GNAQ: variants seen among roughly 807,000 people sequenced by gnomAD.
The protein encoded by GNAQ is guanine nucleotide-binding protein G(q) subunit alpha.
A neutral mutation model predicts 43.9 loss-of-function variants in GNAQ; 8 were observed. The ratio of observed to expected loss-of-function variants is 0.18; its 90% CI spans 0.11 to 0.33. The LOEUF (loss-of-function observed/expected upper bound fraction) is 0.33, where lower values mean the gene tolerates loss of function less well. Ranked by LOEUF, GNAQ falls within the 10% of genes least tolerant of loss-of-function variation. GNAQ has a pLI of 1.00. For missense variants in GNAQ, 158 were observed against 450.8 expected, an observed-to-expected ratio of 0.35 and a Z score of 5.88; for synonymous variants, 155 against 170.7, an observed-to-expected ratio of 0.91 and a Z score of 0.71.
chr9:78,003,372 T>C lies in GNAQ; in HGVS notation c.136+27728A>G, dbSNP rs185933312. ...CAGAACCCAGAAGTCCTTGATGGGG[T>C]AATTTTTGCTGTCTTCCATAGTATT... On this transcript the variant is annotated intron_variant, in intron 1 of 6. Coordinates refer to ENST00000286548, the MANE Select transcript of GNAQ (RefSeq NM_002072.5). Among the ~76,000 whole-genome samples, 3 of 152,294 alleles carry C rather than the reference T, an allele frequency of 2.0e-5. No individual in the cohort carries two copies. The East Asian group carries it at 5.8e-4, about 29-fold the overall frequency.
intron 1 of GNAQ, among the ~76,000 whole-genome samples, chr9:78,028,040 G>A (rs1028605590): frequency 5.9e-5 from 9 of 152,156 alleles, no homozygotes; most frequent in African/African-American, 2.2e-4. Flanking sequence ...ACCACCAACA[G>A]AAATATTTAG....
At chr9:77,990,819 A>G (rs1250009490) in intron 1 of GNAQ, among the ~76,000 whole-genome samples, 2 of 152,176 alleles carry the variant, frequency 1.3e-5, no homozygotes, top group African/African-American at 4.8e-5. Context: ...AATAAATAGC[A>G]ATTTCTCCCT....
At chr9:77,866,308 T>C (rs1286015077) in intron 2 of GNAQ, among the ~76,000 whole-genome samples, 1 of 152,068 alleles carries the variant, frequency 6.6e-6, no homozygotes, top group South Asian at 2.1e-4. Flanking sequence ...TGAAGCCCCA[T>C]CTCTATTAAA....
chr9:77,969,666 C>T (rs1823211923), intron 1 of GNAQ, among the ~76,000 whole-genome samples: 1 of 152,198 alleles, frequency 6.6e-6, no homozygotes, highest in Non-Finnish European at 1.5e-5. Context: ...CACTGGAAAA[C>T]AACCCAGCTT....
chr9:77,906,404 G>T (rs1337267890), intron 2 of GNAQ, among the ~76,000 whole-genome samples: 1 of 152,128 alleles, frequency 6.6e-6, no homozygotes, highest in African/African-American at 2.4e-5. Context: ...CAGTAATCTG[G>T]TATGATCTTT....
intron 1 of GNAQ, among the ~76,000 whole-genome samples, chr9:77,983,995 T>G (rs1206781805): frequency 7.6e-6 from 1 of 132,326 alleles, no homozygotes; most frequent in Non-Finnish European, 1.5e-5. Flanking sequence ...TCTCTCTCTC[T>G]CCTCAAAAGT....
intron 2 of GNAQ, among the ~76,000 whole-genome samples, chr9:77,870,862 A>G (rs1459918165): frequency 6.6e-6 from 1 of 152,170 alleles, no homozygotes; most frequent in African/African-American, 2.4e-5. Flanking sequence ...TAAGAAGCCA[A>G]ACGCAAATGA....
chr9:77,953,569 C>T (rs1269010415), intron 1 of GNAQ, among the ~76,000 whole-genome samples: 1 of 152,166 alleles, frequency 6.6e-6, no homozygotes, highest in African/African-American at 2.4e-5. Flanking sequence ...TTAGAAATGG[C>T]TTCAAGGGCC....
At chr9:77,791,228 A>G (rs1188435991) in intron 5 of GNAQ, among the ~76,000 whole-genome samples, 2 of 152,212 alleles carry the variant, frequency 1.3e-5, no homozygotes, top group South Asian at 2.1e-4. Flanking sequence ...AGTCATTGAG[A>G]CAATGTCTGA....
At chr9:77,920,794 A>C (rs1328043395) in intron 2 of GNAQ, among the ~76,000 whole-genome samples, 1 of 152,204 alleles carries the variant, frequency 6.6e-6, no homozygotes, top group East Asian at 1.9e-4. Flanking sequence ...CAGGTATGAA[A>C]GTATCAATTA....
chr9:77,948,506 G>C (rs1280451118), intron 1 of GNAQ, among the ~76,000 whole-genome samples: 1 of 152,274 alleles, frequency 6.6e-6, no homozygotes, highest in Non-Finnish European at 1.5e-5. Context: ...ACGGATGAAG[G>C]AGGACACAGA....
intron 3 of GNAQ, among the ~76,000 whole-genome samples, chr9:77,800,603 C>T (rs374035811): frequency 1.7e-4 from 26 of 152,256 alleles, no homozygotes; most frequent in East Asian, 1.2e-3. Context: ...GGAGATACAC[C>T]TAATGCTAGA....
At position 78,031,483 on chromosome 9, in the gene GNAQ, G is replaced by C. The variant is rs539411877; in HGVS notation, c.-248C>G. 9.6e-3 allele frequency: 1,691 copies of C among 176,006 alleles called. 12 individuals carry two copies. Among genetic ancestry groups the C allele is most frequent in the Non-Finnish European group, 0.015 (1,286 of 83,050 alleles). 10.9% of individuals were successfully genotyped at this position (176,006 alleles called of 1,614,324 possible). On this transcript the variant is annotated 5_prime_UTR_variant, in exon 1 of 7. Coordinates refer to ENST00000286548, the MANE Select transcript of GNAQ (RefSeq NM_002072.5). ...GGGAGAAGAGAGGCGGGCGCGGGAG[G>C]CGGGCGCTGGCTCGGGGGGCGCGTG...
intron 2 of GNAQ, among the ~76,000 whole-genome samples, chr9:77,863,835 C>CA (rs1290836578): frequency 1.3e-5 from 2 of 152,160 alleles, no homozygotes; most frequent in African/African-American, 4.8e-5. Flanking sequence ...TATTTAAAAT[C>CA]ATCAGATCTC....
chr9:77,790,017 A>G (rs868122310), intron 5 of GNAQ, among the ~76,000 whole-genome samples: 39 of 152,172 alleles, frequency 2.6e-4, no homozygotes, highest in African/African-American at 9.4e-4. Context: ...GGGACAAGTG[A>G]CTGAAAATGA....
intron 1 of GNAQ, among the ~76,000 whole-genome samples, chr9:77,964,598 A>G (rs928019003): frequency 6.6e-6 from 1 of 152,194 alleles, no homozygotes; most frequent in African/African-American, 2.4e-5. Flanking sequence ...CTCAGACTAC[A>G]ATGGAATTAG....
intron 2 of GNAQ, among the ~76,000 whole-genome samples, chr9:77,820,087 C>CAAAAAAAAA (rs3083136): frequency 1.1e-4 from 12 of 104,946 alleles, no homozygotes; most frequent in East Asian, 2.9e-4. Flanking sequence ...ATTTAAAATG[C>CAAAAAAAAA]AAAAAAAAAA....
chr9:77,931,678 T>A (rs1235585776), intron 1 of GNAQ, among the ~76,000 whole-genome samples: 1 of 152,114 alleles, frequency 6.6e-6, no homozygotes, highest in Admixed American at 6.6e-5. Flanking sequence ...ACTTTATACA[T>A]CTATTCCTAC....
chr9:78,013,609 T>C (rs149615139), intron 1 of GNAQ, among the ~76,000 whole-genome samples: 2,547 of 152,224 alleles, frequency 0.017, 41 homozygotes, highest in South Asian at 0.032. Context: ...TAAAATAAAA[T>C]GTGTTGATGT....
Sources: allele counts gnomAD v4.1 joint callset (sites outside exome capture counted in the v4.1 genomes callset), GRCh38; gene constraint gnomAD v4.1.1; transcripts MANE v1.5; gene names NCBI Gene and HGNC (gene_info 2026-07-23, HGNC 2026-07-21).